BRMS1: variants seen among roughly 807,000 people sequenced by gnomAD.
BRMS1 encodes BRMS1 transcriptional repressor and anoikis regulator.
A neutral mutation model predicts 40.4 loss-of-function variants in BRMS1; 26 were observed. That is an observed-to-expected ratio of 0.64 (90% CI 0.47 to 0.89). BRMS1 has a LOEUF of 0.89. BRMS1 is among the 40% of genes least tolerant of loss of function. BRMS1 has a pLI of 0.00. For missense variants in BRMS1, 289 were observed against 309.4 expected (o/e 0.93, Z 0.49); for synonymous variants, 103 against 116.0 (o/e 0.89, Z 0.72).
At position 66,341,294 on chromosome 11, in the gene BRMS1, C is replaced by T. The variant is rs754134260; in HGVS notation, c.270G>A (p.Leu90=). The T allele has an allele frequency of 1.2e-6, 2 of 1,613,586 alleles. No individual in the cohort carries two copies. Among genetic ancestry groups the T allele is most frequent in the Non-Finnish European group, 8.5e-7 (1 of 1,179,582 alleles). Residue 90 remains leucine, a synonymous_variant, in exon 4 of 10, where the codon CTG becomes CTA. Transcript: ENST00000359957. This position sits in a 1 kb window ranked among gnomAD's most constrained non-coding sequence, Gnocchi z 4.9. Reference sequence around the variant, plus strand: ...GGGCTCTCTCAGCCCCCACTTCCTCCAGCCGCAACCGCAGCTGACTCAGTC... The same window carrying T: ...GGGCTCTCTCAGCCCCCACTTCCTCTAGCCGCAACCGCAGCTGACTCAGTC... The part of the protein sequence containing the change: ...RERLSQLRLR[L]EEVGAERAPE...
chr11:66,337,988 C>T (rs925333123), intron 9 of BRMS1, 99 bp from the exon 10 acceptor site: 5 of 1,371,070 alleles, frequency 3.6e-6, no homozygotes, highest in Admixed American at 4.0e-5. Flanking sequence ...CCAGAACAGG[C>T]CTCCTGGGCA....
Position 66,337,903 on chromosome 11 carries a change from GGAA to G in BRMS1, c.734-17_734-15del. The G allele has an allele frequency of 6.2e-7, 1 of 1,602,842 alleles. No homozygotes were observed. Among genetic ancestry groups the G allele is most frequent in the Non-Finnish European group, 8.5e-7 (1 of 1,172,530 alleles). On this transcript the variant is annotated splice_polypyrimidine_tract_variant and intron_variant, in intron 9 of 9. Transcript: ENST00000359957. ...AGGGTCAAGGTCCTGTGCATATGTGGGAAGAAGAAAACTGTCACCAGTTAGGAA... is the reference window on the plus strand; with the variant it reads ...AGGGTCAAGGTCCTGTGCATATGTGGGAAGAAAACTGTCACCAGTTAGGAA...
chr11:66,344,320 T>C (rs1177660555), intron 1 of BRMS1, among the ~76,000 whole-genome samples: 2 of 152,178 alleles, frequency 1.3e-5, no homozygotes, highest in Non-Finnish European at 2.9e-5. Context: ...CCAGTTCAAG[T>C]TGTGTATAGT....
intron 7 of BRMS1, among the ~76,000 whole-genome samples, chr11:66,339,127 GAC>G (rs1202839210): frequency 1.3e-5 from 2 of 152,158 alleles, no homozygotes; most frequent in South Asian, 2.1e-4. Flanking sequence ...TCCCTTCAGA[GAC>G]AACTCTCCCT....
rs1854947185 is a variant in BRMS1 at position 66,337,592 on chromosome 11, C to T, written c.*290G>A. The stretch of plus-strand genomic sequence containing the variant: ...TCGGCTGTCTTCTCTGTCAGGGGAG[C>T]CCCAAGAGATGGATCTTCAGGAGTG... On this transcript the variant is annotated 3_prime_UTR_variant, in exon 10 of 10. Coordinates refer to ENST00000359957, the MANE Select transcript of BRMS1 (RefSeq NM_015399.4). 1 of 1,190,882 alleles carries T rather than the reference C, an allele frequency of 8.4e-7. No individual in the cohort carries two copies. The highest frequency in any genetic ancestry group is 1.2e-6 in the Non-Finnish European group (1 of 861,616). The allele number at this position is 1,190,882 out of a possible 1,614,324, so 73.8% of individuals were successfully genotyped here. A position where few individuals can be genotyped will look rare whatever the true frequency, so the allele number is the denominator to read the frequency against.
At chr11:66,338,305 TCCC>T (rs769395401) in intron 8 of BRMS1, 23 bp from the exon 9 acceptor site, 2 of 1,600,578 alleles carry the variant, frequency 1.2e-6, no homozygotes, top group Non-Finnish European at 1.7e-6. Context: ...GAAGAAAAGC[TCCC>T]CTGAGAGCCC....
chr11:66,338,223 G>A lies in BRMS1; in HGVS notation c.733+20C>T. 6.2e-7 allele frequency: 1 copy of A among 1,609,784 alleles called. No homozygotes were observed. The highest frequency in any genetic ancestry group is 8.5e-7 in the Non-Finnish European group (1 of 1,177,966). The stretch of plus-strand genomic sequence containing the variant: ...ATGGCAAGGGGGCAGGGAAGGCCAT[G>A]CAACAGCCATGGTTCTTACCATCCG... On this transcript the variant is annotated intron_variant, in intron 9 of 9. Transcript: ENST00000359957.
intron 7 of BRMS1, 46 bp from the exon 8 acceptor site, chr11:66,338,831 G>A (rs751723722): frequency 2.0e-6 from 3 of 1,506,098 alleles, no homozygotes; most frequent in Non-Finnish European, 2.7e-6. Context: ...CAGGTGACGA[G>A]GGCAGGGCCA....
At chr11:66,342,823 G>C (rs1218351377) in intron 1 of BRMS1, among the ~76,000 whole-genome samples, 2 of 152,230 alleles carry the variant, frequency 1.3e-5, no homozygotes, top group Non-Finnish European at 2.9e-5. Context: ...ATAATGGCTA[G>C]TGCTTGCACT....
intron 1 of BRMS1, 120 bp downstream of exon 1, chr11:66,344,852 G>T (rs375158368): frequency 6.6e-6 from 1 of 152,274 alleles, no homozygotes; most frequent in Non-Finnish European, 1.5e-5. Context: ...TGGCTCGCCC[G>T]CAGCCCAGCA....
intron 2 of BRMS1, 59 bp downstream of exon 2, chr11:66,342,025 CTGTGTGTGTGCA>C (rs1324249976): frequency 1.5e-5 from 22 of 1,487,428 alleles, no homozygotes; most frequent in African/African-American, 1.5e-5. Flanking sequence ...TGTGTAGGGG[CTGTGTGTGTGCA>C]TGTGTGTGTG....
chr11:66,340,853 G>A lies in BRMS1; in HGVS notation c.456C>T (p.Leu152=), dbSNP rs747262255. 4 of 1,613,974 alleles carry A rather than the reference G, an allele frequency of 2.5e-6. No individual in the cohort carries two copies. In the East Asian group the frequency reaches 8.9e-5, roughly 36 times the overall value. Residue 152 remains leucine (L), a synonymous_variant, in exon 6 of 10, where the codon CTC becomes CTT. Coordinates refer to ENST00000359957, the MANE Select transcript of BRMS1 (RefSeq NM_015399.4). ...GCAGCTCCCCCTGCAGCGTGTCATA[G>A]AGCAGCAGCTTCTCACTCTGGAAGA... ...KQHLESEKLL[L]YDTLQGELQE... is the part of the protein sequence containing the mutation.
intron 8 of BRMS1, 138 bp downstream of exon 8, chr11:66,338,583 C>G (rs1319503276): frequency 1.3e-6 from 2 of 1,555,008 alleles, no homozygotes; most frequent in Non-Finnish European, 8.7e-7. Flanking sequence ...TGTGAGCCAA[C>G]TGCGATCCAG....
At chr11:66,339,966 C>A in intron 7 of BRMS1, 155 bp downstream of exon 7, 1 of 608,666 alleles carries the variant, frequency 1.6e-6, no homozygotes, top group South Asian at 2.0e-5. Context: ...AAACTGCTGA[C>A]AGCTGGATTT....
intron 6 of BRMS1, 119 bp downstream of exon 6, chr11:66,340,655 G>A: frequency 1.2e-6 from 1 of 827,054 alleles, no homozygotes; most frequent in East Asian, 2.7e-5. Flanking sequence ...CCCTCACACT[G>A]ACCCCAACAG....
In BRMS1 at chr11:66,341,905, G is replaced by T; in HGVS notation, c.139+191C>A. On this transcript the variant is annotated intron_variant, in intron 2 of 9. Transcript: ENST00000359957. The surrounding 1 kb of genome is among the most constrained non-coding windows in gnomAD (Gnocchi z 4.9). ...GCATACGTGCTTGTGTGTAGGGGCT[G>T]TGTGTGCGTGCTTGTGTGTAGGGGC... 1.5e-6 allele frequency: 1 copy of T among 680,108 alleles called. No individual in the cohort carries two copies. The highest frequency in any genetic ancestry group is 2.5e-6 in the Non-Finnish European group (1 of 400,344). 42.1% of individuals were successfully genotyped at this position (680,108 alleles called of 1,614,324 possible).
In BRMS1 at chr11:66,341,026, G is replaced by C. The variant is rs1467750038; in HGVS notation, c.379C>G (p.Leu127Val). 1.5e-5 allele frequency: 25 copies of C among 1,613,946 alleles called. No individual in the cohort carries two copies. Among genetic ancestry groups the C allele is most frequent in the Non-Finnish European group, 2.1e-5 (25 of 1,180,048 alleles). The change falls in exon 5 of 10, where the codon CTG becomes GTG. Residue 127 changes from leucine to valine, a missense_variant. Transcript: ENST00000359957. The surrounding 1 kb of genome is among the most constrained non-coding windows in gnomAD (Gnocchi z 4.9). ...QVAGIYKGFC[L>V]DVIRNKYECE... ...TCGTACTTATTCCTGATCACATCCA[G>C]ACAGAAGCCCTTGTAGATCCCTGCA...
intron 1 of BRMS1, 36 bp downstream of exon 1, chr11:66,344,936 G>C (rs1855170626): frequency 6.6e-6 from 1 of 152,290 alleles, no homozygotes; most frequent in East Asian, 1.9e-4. Context: ...ACTAACCGGA[G>C]AGGGCGAACC....
In BRMS1 at chr11:66,342,180, A is replaced by G. The variant is rs1237146051; in HGVS notation, c.55T>C (p.Ser19Pro). 1 of 1,613,844 alleles carries G rather than the reference A, an allele frequency of 6.2e-7. No homozygotes were observed. Among genetic ancestry groups the G allele is most frequent in the Non-Finnish European group, 8.5e-7 (1 of 1,180,014 alleles). The change falls in exon 2 of 10, where the codon TCT becomes CCT. Residue 19 changes from serine (S) to proline (P), a missense_variant. Transcript: ENST00000359957. ...DTEEMEAEGD[S>P]AAEMNGEEEE... ...TCCTCCCCATTCATCTCAGCAGCAG[A>G]ATCACCCTCTGCTTCCATCTCTTCT...
Sources: gnomAD v4.1 joint callset for allele counts (sites outside exome capture counted in the v4.1 genomes callset) on GRCh38, gnomAD v4.1.1 for gene constraint, Gnocchi (gnomAD v3.1) non-coding constraint, MANE v1.5 for transcripts, NCBI Gene and HGNC (gene_info 2026-07-23, HGNC 2026-07-21) for gene names.